ANK3: variants seen among roughly 807,000 people sequenced by gnomAD.
The protein encoded by ANK3 is ankyrin 3, also known as ankyrin-3.
A neutral mutation model predicts 370.9 loss-of-function variants in ANK3; 57 were observed. The observed-to-expected ratio is 0.15, with a 90% CI of 0.12 to 0.19. ANK3 has a LOEUF of 0.19. ANK3 is among the 10% of genes least tolerant of loss of function. ANK3 has a pLI of 1.00. For missense variants in ANK3, 4,439 were observed against 5,302.1 expected (o/e 0.84, Z 5.06); for synonymous variants, 1,929 against 1,946.3 (o/e 0.99, Z 0.23).
At chr10:60,488,387 T>A (rs1024317215) in intron 2 of ANK3, among the ~76,000 whole-genome samples, 7 of 152,338 alleles carry the variant, frequency 4.6e-5, no homozygotes, top group East Asian at 1.9e-4. Flanking sequence ...AAATATTTTT[T>A]AAAATGTTTT....
In ANK3 at chr10:60,342,448, C is replaced by G. The variant is rs139647752; in HGVS notation, c.114+46977G>C. Among the ~76,000 whole-genome samples the G allele has an allele frequency of 2.6e-5, 4 of 152,202 alleles. No individual in the cohort carries two copies. The East Asian group carries it at 7.7e-4, about 29-fold the overall frequency. On this transcript the variant is annotated intron_variant, in intron 1 of 43. Coordinates refer to ENST00000280772, the MANE Select transcript of ANK3 (RefSeq NM_020987.5). ...ACTTCTAGGACAATTTGGAGGAAAA[C>G]TTAAGAGAAACCAAGCATTTAGGAA... is the stretch of plus-strand genomic sequence containing the variant.
intron 16 of ANK3, among the ~76,000 whole-genome samples, chr10:60,189,362 GAGAGAC>G (rs1009410784): frequency 4.1e-4 from 63 of 152,190 alleles, no homozygotes; most frequent in African/African-American, 1.3e-3. Flanking sequence ...CAGATACAGG[GAGAGAC>G]AGAGACAGAG....
At chr10:60,187,420 G>T (rs1426629984) in intron 16 of ANK3, among the ~76,000 whole-genome samples, 1 of 152,150 alleles carries the variant, frequency 6.6e-6, no homozygotes, top group Non-Finnish European at 1.5e-5. Flanking sequence ...CTCCCAAAGT[G>T]TTGGGATTAC....
At chr10:60,524,346 G>T (rs112961022) in intron 2 of ANK3, among the ~76,000 whole-genome samples, 2 of 152,050 alleles carry the variant, frequency 1.3e-5, no homozygotes, top group Non-Finnish European at 2.9e-5. Flanking sequence ...CCATTGATAC[G>T]GTTTGGCTCT....
At chr10:60,280,049 G>A (rs2098139117) in intron 1 of ANK3, among the ~76,000 whole-genome samples, 3 of 152,044 alleles carry the variant, frequency 2.0e-5, no homozygotes. Context: ...TTCCATTAAT[G>A]GATTCAAAAT....
rs1055359838 is a variant in ANK3 at position 60,074,755 on chromosome 10, C to A, written c.6126G>T (p.Gly2042=). The A allele has an allele frequency of 8.1e-6, 13 of 1,613,986 alleles. No homozygotes were observed. The African/African-American group carries it at 1.6e-4, about 20-fold the overall frequency. Residue 2042 remains glycine, a synonymous_variant, in exon 37 of 44, where the codon GGG becomes GGT. Coordinates refer to ENST00000280772, the MANE Select transcript of ANK3 (RefSeq NM_020987.5). ...ATTTTAAGTTTGTCAGTGAACTACT[C>A]CCAATATCATTTGTTAGGTAATCAA... ...KVIDYLTNDI[G]SSSLTNLKYK...
intron 1 of ANK3, among the ~76,000 whole-genome samples, chr10:60,287,661 T>A (rs1219322658): frequency 1.3e-5 from 2 of 152,178 alleles, no homozygotes; most frequent in Admixed American, 1.3e-4. Context: ...AACCTAACTT[T>A]CTTAAAAATT....
At chr10:60,207,126 G>A (rs551356004) in intron 10 of ANK3, among the ~76,000 whole-genome samples, 18 of 152,298 alleles carry the variant, frequency 1.2e-4, no homozygotes, top group Non-Finnish European at 2.2e-4. Flanking sequence ...ATCTTGAAAT[G>A]CTGCTTTGGT....
intron 16 of ANK3, among the ~76,000 whole-genome samples, chr10:60,189,287 G>A (rs1379497466): frequency 6.6e-6 from 1 of 152,192 alleles, no homozygotes; most frequent in Non-Finnish European, 1.5e-5. Flanking sequence ...GAGCTCAGGA[G>A]CTCGAGACCA....
intron 27 of ANK3, among the ~76,000 whole-genome samples, chr10:60,108,609 C>T (rs997093677): frequency 2.0e-5 from 3 of 152,048 alleles, no homozygotes; most frequent in Non-Finnish European, 4.4e-5. Flanking sequence ...ACATGCTTCT[C>T]GGTTAGTAAA....
At chr10:60,361,650 A>C (rs982425090) in intron 1 of ANK3, among the ~76,000 whole-genome samples, 2 of 152,180 alleles carry the variant, frequency 1.3e-5, no homozygotes, top group South Asian at 4.1e-4. Flanking sequence ...TAGTGGAACA[A>C]GGTATGGGGG....
At chr10:60,421,595 G>T (rs576679312) in intron 2 of ANK3, among the ~76,000 whole-genome samples, 15 of 152,024 alleles carry the variant, frequency 9.9e-5, no homozygotes, top group African/African-American at 3.6e-4. Flanking sequence ...GGTAGATAGT[G>T]GCATGGTCTT....
chr10:60,629,008 TTTGTTG>T (rs899124236), intron 1 of ANK3, among the ~76,000 whole-genome samples: 3 of 152,122 alleles, frequency 2.0e-5, no homozygotes, highest in Non-Finnish European at 4.4e-5. Flanking sequence ...TCTCTGCTTT[TTTGTTG>T]TTGTTGTTGT....
chr10:60,610,682 A>T (rs1193457939), intron 2 of ANK3, among the ~76,000 whole-genome samples: 2 of 152,136 alleles, frequency 1.3e-5, no homozygotes, highest in Admixed American at 6.5e-5. Context: ...CTCACCACAG[A>T]CTTGAGCAAA....
chr10:60,691,443 A>G (rs1415723617), intron 1 of ANK3, among the ~76,000 whole-genome samples: 1 of 152,224 alleles, frequency 6.6e-6, no homozygotes, highest in Admixed American at 6.5e-5. Flanking sequence ...GGTTATTATG[A>G]GGATTAAATT....
chr10:60,304,559 C>G (rs2044561421), intron 1 of ANK3, among the ~76,000 whole-genome samples: 1 of 152,116 alleles, frequency 6.6e-6, no homozygotes. Context: ...AGAAGCATCA[C>G]TTGAACCCCA....
intron 1 of ANK3, among the ~76,000 whole-genome samples, chr10:60,663,158 T>C (rs989952607): frequency 2.3e-4 from 35 of 152,206 alleles, no homozygotes; most frequent in Non-Finnish European, 5.0e-4. Flanking sequence ...CCCATCAGAT[T>C]GCTGCCATTA....
chr10:60,421,428 A>C (rs1157674324), intron 2 of ANK3, among the ~76,000 whole-genome samples: 1 of 152,110 alleles, frequency 6.6e-6, no homozygotes, highest in African/African-American at 2.4e-5. Flanking sequence ...TGAGTACTCC[A>C]TGTAAACTAG....
In ANK3 at chr10:60,217,358, G is replaced by T. The variant is rs566199463; in HGVS notation, c.898-3848C>A. Among the ~76,000 whole-genome samples, 128 of 151,974 alleles carry T rather than the reference G, an allele frequency of 8.4e-4. 1 individual carries two copies. Among genetic ancestry groups the T allele is most frequent in the African/African-American group, 3.0e-3 (125 of 41,490 alleles). On this transcript the variant is annotated intron_variant, in intron 8 of 43. Transcript: ENST00000280772. The stretch of plus-strand genomic sequence containing the variant: ...CTTTTAATTGTGATATTAGGGTGTC[G>T]ATCTGAGATCTTTCAAGCTTTCTGA...
Sources: gnomAD v4.1 joint callset for allele counts (sites outside exome capture counted in the v4.1 genomes callset) on GRCh38, gnomAD v4.1.1 for gene constraint, MANE v1.5 for transcripts, NCBI Gene and HGNC (gene_info 2026-07-23, HGNC 2026-07-21) for gene names.